The following GUCY2D variants were observed in gnomAD, a reference collection of about 807,000 sequenced individuals.
The protein encoded by GUCY2D is retinal guanylyl cyclase 1.
In GUCY2D, 70 loss-of-function variants were observed where a neutral mutation model predicts 101.3. That is an observed-to-expected ratio of 0.69 (90% CI 0.57 to 0.84). The LOEUF is 0.84. Ranked by LOEUF, GUCY2D falls within the 40% of genes least tolerant of loss-of-function variation. GUCY2D has a pLI of 0.00. For missense variants in GUCY2D, 1,460 were observed against 1,542.5 expected (o/e 0.95, Z 0.90); for synonymous variants, 688 against 670.7 (o/e 1.03, Z -0.40).
At chr17:8,008,055 A>G in intron 7 of GUCY2D, 23 bp downstream of exon 7, 1 of 1,440,978 alleles carries the variant, frequency 6.9e-7, no homozygotes, top group East Asian at 2.3e-5. Context: ...CCAGCCAGAC[A>G]GAGAGACAGT....
Position 8,012,131 on chromosome 17 carries a change from C to A in GUCY2D, c.1750-13C>A. 2 of 1,603,430 alleles carry A rather than the reference C, an allele frequency of 1.2e-6. No homozygotes were observed. The highest frequency in any genetic ancestry group is 1.7e-6 in the Non-Finnish European group (2 of 1,171,150). On this transcript the variant is annotated splice_polypyrimidine_tract_variant and intron_variant, in intron 8 of 19. Transcript: ENST00000254854. ...CCTGGGCAGAAAATGCAAGTCAACT[C>A]TCCCCCTCTCAGCTCCAGGAGCTCC...
chr17:8,003,926 C>A lies in GUCY2D; in HGVS notation c.796C>A (p.Leu266Met). The stretch of plus-strand genomic sequence containing the variant: ...CTACCTCCTGGAGGCCGCAGAGGAG[C>A]TGGGCCTGACCGATGGCTCCCTGGT... ...QRYLLEAAEE[L>M]GLTDGSLVFL... Residue 266 changes from leucine (L) to methionine (M), a missense_variant, in exon 3 of 20, where the codon CTG (leucine) becomes ATG (methionine). Leu to Met is a conservative substitution (Grantham distance 15, BLOSUM62 2). Around this residue, in one of 3 missense-constraint regions of GUCY2D, gnomAD observed 1,196 missense variants for 1,229.6 expected, o/e 0.97. Coordinates refer to ENST00000254854, the MANE Select transcript of GUCY2D (RefSeq NM_000180.4). The A allele has an allele frequency of 6.2e-7, 1 of 1,613,578 alleles. No homozygotes were observed. The highest frequency in any genetic ancestry group is 8.5e-7 in the Non-Finnish European group (1 of 1,179,782).
chr17:8,014,151 A>T lies in GUCY2D; in HGVS notation c.2412+123A>T. 2.2e-6 allele frequency: 2 copies of T among 896,076 alleles called. No individual in the cohort carries two copies. The highest frequency in any genetic ancestry group is 3.7e-6 in the Non-Finnish European group (2 of 546,766). The allele number at this position is 896,076 out of a possible 1,614,324, so 55.5% of individuals were successfully genotyped here. On this transcript the variant is annotated intron_variant, in intron 12 of 19. Coordinates refer to ENST00000254854, the MANE Select transcript of GUCY2D (RefSeq NM_000180.4). This position sits in a 1 kb window ranked among gnomAD's most constrained non-coding sequence, Gnocchi z 4.0. ...CCTCTGGCCTTCCAGGCTACCTCCT[A>T]AGGAGTAGCCTGAAGACTCGGAGTT...
At chr17:8,005,615 CCTT>C (rs1975722166) in intron 3 of GUCY2D, among the ~76,000 whole-genome samples, 1 of 152,210 alleles carries the variant, frequency 6.6e-6, no homozygotes. Flanking sequence ...TCTAACAGCT[CCTT>C]CTCTGTCCAC....
At chr17:8,005,533 G>C (rs540262740) in intron 3 of GUCY2D, among the ~76,000 whole-genome samples, 9 of 152,356 alleles carry the variant, frequency 5.9e-5, no homozygotes, top group African/African-American at 2.2e-4. Flanking sequence ...GAGCTTCTGA[G>C]TGTGCTGTTT....
rs140638938 is a variant in GUCY2D at position 8,006,651 on chromosome 17, G to C, written c.1315G>C (p.Gly439Arg). 2.7e-5 allele frequency: 44 copies of C among 1,612,594 alleles called. No homozygotes were observed. The highest frequency in any genetic ancestry group is 3.5e-5 in the Non-Finnish European group (41 of 1,179,492). Reference protein sequence around the residue: ...SAGTRMHFPRGGSAPGPDPSC... With the variant: ...SAGTRMHFPRRGSAPGPDPSC... The stretch of plus-strand genomic sequence containing the variant: ...CGGTACCCGGATGCACTTCCCGCGT[G>C]GGGGATCAGCACCCGGACCTGACCC... The change falls in exon 4 of 20, where the codon GGG becomes CGG. Residue 439 changes from glycine to arginine, a missense_variant. Physicochemically the swap from Gly to Arg is moderately radical, Grantham distance 125. This residue lies in a region of GUCY2D where 1,196 missense variants were observed against 1,229.6 expected (regional missense o/e 0.97). Transcript: ENST00000254854.
rs979318508 is a variant in GUCY2D, at chr17:8,003,287, C to A, written c.240C>A (p.Ala80=). The change falls in exon 2 of 20, where the codon GCC becomes GCA. Residue 80 remains alanine (A), a synonymous_variant. Coordinates refer to ENST00000254854, the MANE Select transcript of GUCY2D (RefSeq NM_000180.4). ...GCCCGGACCTGGCCGCCCGCCTGGC[C>A]GCCGCCCGCCTGAACCGCGACCCCG... ...RARPDLAARL[A]AARLNRDPGL... The A allele has an allele frequency of 2.0e-5, 30 of 1,491,776 alleles. No individual in the cohort carries two copies. The highest frequency in any genetic ancestry group is 2.2e-5 in the Admixed American group (1 of 44,660). The allele number at this position is 1,491,776 out of a possible 1,614,324, so 92.4% of individuals were successfully genotyped here. A position where few individuals can be genotyped will look rare whatever the true frequency, so the allele number is the denominator to read the frequency against.
chr17:8,016,367 C>A, intron 18 of GUCY2D, 76 bp from the exon 19 acceptor site: 2 of 1,432,704 alleles, frequency 1.4e-6, no homozygotes, highest in East Asian at 2.5e-5. Context: ...CCCCCGCGCG[C>A]GAGGCAGCGA....
chr17:8,015,856 G>A lies in GUCY2D; in HGVS notation c.3043+15G>A, dbSNP rs746068022. 7 of 1,608,308 alleles carry A rather than the reference G, an allele frequency of 4.4e-6. No homozygotes were observed. The South Asian group carries it at 6.6e-5, about 15-fold the overall frequency. ...CACCGGGCTGCGTGAGTGTGACGGG[G>A]ACAAGACGGGGAGGTGGGAGGGGGA... On this transcript the variant is annotated intron_variant, in intron 16 of 19. Coordinates refer to ENST00000254854, the MANE Select transcript of GUCY2D (RefSeq NM_000180.4).
chr17:8,007,428 A>T lies in GUCY2D; in HGVS notation c.1466A>T (p.His489Leu). 6.2e-7 allele frequency: 1 copy of T among 1,607,096 alleles called. No individual in the cohort carries two copies. Among genetic ancestry groups the T allele is most frequent in the Non-Finnish European group, 8.5e-7 (1 of 1,173,760 alleles). Residue 489 changes from histidine (H) to leucine (L), a missense_variant and splice_region_variant, in exon 6 of 20, where the codon CAC (histidine) becomes CTC (leucine). By Grantham distance (99) the His-to-Leu change is moderately conservative (BLOSUM62 -3). Around this residue, in one of 3 missense-constraint regions of GUCY2D, gnomAD observed 1,196 missense variants for 1,229.6 expected, o/e 0.97. Coordinates refer to ENST00000254854, the MANE Select transcript of GUCY2D (RefSeq NM_000180.4). ...GAGGTGACCTCTTTCTCCACCAGGCACCGGCTACTTCACATGCAAATGGTC... is the reference window on the plus strand; with the variant it reads ...GAGGTGACCTCTTTCTCCACCAGGCTCCGGCTACTTCACATGCAAATGGTC... ...AGAFLAHYVR[H>L]RLLHMQMVSG...
chr17:8,014,322 T>C lies in GUCY2D; in HGVS notation c.2413-279T>C, dbSNP rs1975917984. The C allele has an allele frequency of 1.7e-6, 1 of 600,310 alleles. No individual in the cohort carries two copies. The highest frequency in any genetic ancestry group is 1.9e-5 in the African/African-American group (1 of 53,996). The allele number at this position is 600,310 out of a possible 1,614,324, so 37.2% of individuals were successfully genotyped here. A position where few individuals can be genotyped will look rare whatever the true frequency, so the allele number is the denominator to read the frequency against. Reference sequence around the variant, plus strand: ...TGGCCTGCTGTGACAGAAAGACCCTTGGCCTGGGAGCCCAACGATTGGGCT... The same window carrying C: ...TGGCCTGCTGTGACAGAAAGACCCTCGGCCTGGGAGCCCAACGATTGGGCT... On this transcript the variant is annotated intron_variant, in intron 12 of 19. Coordinates refer to ENST00000254854, the MANE Select transcript of GUCY2D (RefSeq NM_000180.4). This position sits in a 1 kb window ranked among gnomAD's most constrained non-coding sequence, Gnocchi z 4.0.
intron 14 of GUCY2D, 85 bp downstream of exon 14, chr17:8,015,136 C>T (rs1975939486): frequency 8.2e-7 from 1 of 1,212,544 alleles, no homozygotes; most frequent in Admixed American, 1.9e-5. Context: ...CAGCCCCTAG[C>T]CTACCTGCCC....
rs772242251 is a variant in GUCY2D at position 8,013,901 on chromosome 17, GC to G, written c.2291del (p.Pro764LeufsTer20). 8 of 1,613,456 alleles carry G rather than the reference GC, an allele frequency of 5.0e-6. No homozygotes were observed. Among genetic ancestry groups the G allele is most frequent in the Non-Finnish European group, 5.9e-6 (7 of 1,179,428 alleles). The stretch of plus-strand genomic sequence containing the variant: ...CCAGAAGTGGTGCAGAGGGTGCGGA[GC>G]CCCCCTCCACTGTGTCGGCCCTTGG... ...TPEEVVQRVRSPPPLCRPLVS... is the reference protein window; with the variant it reads ...TPEEVVQRVRXPPPLCRPLVS... On this transcript the variant is annotated frameshift_variant, in exon 12 of 20. Coordinates refer to ENST00000254854, the MANE Select transcript of GUCY2D (RefSeq NM_000180.4). LOFTEE classifies it high-confidence loss of function. The surrounding 1 kb of genome is among the most constrained non-coding windows in gnomAD (Gnocchi z 5.0).
chr17:8,008,708 C>T (rs1347065238), intron 7 of GUCY2D, among the ~76,000 whole-genome samples: 2 of 152,148 alleles, frequency 1.3e-5, no homozygotes, highest in Non-Finnish European at 2.9e-5. Context: ...GCAGATTGTC[C>T]TAAATTGTAT....
chr17:8,004,163 G>T lies in GUCY2D; in HGVS notation c.1026+7G>T. 1 of 1,582,124 alleles carries T rather than the reference G, an allele frequency of 6.3e-7. No individual in the cohort carries two copies. The highest frequency in any genetic ancestry group is 8.6e-7 in the Non-Finnish European group (1 of 1,168,386). On this transcript the variant is annotated splice_region_variant and intron_variant, in intron 3 of 19. Transcript: ENST00000254854. ...TGACCTCAATCTGCAGCAGGTAGAC[G>T]GTCCCGGGAGGAGGGAAGAAGGCAA...
intron 17 of GUCY2D, 25 bp downstream of exon 17, chr17:8,016,046 C>G: frequency 6.4e-7 from 1 of 1,567,020 alleles, no homozygotes; most frequent in Middle Eastern, 1.7e-4. Flanking sequence ...CAACCCCTCC[C>G]GGAGGCCCCG....
At chr17:8,003,017 C>CCTGCTCCGT in intron 1 of GUCY2D, 22 bp from the exon 2 acceptor site, 1 of 1,520,902 alleles carries the variant, frequency 6.6e-7, no homozygotes, top group South Asian at 1.2e-5. Flanking sequence ...AGTCGCTCAG[C>CCTGCTCCGT]CTGCTCCGTC....
intron 4 of GUCY2D, 147 bp downstream of exon 4, chr17:8,006,861 CT>C (rs1414766741): frequency 3.4e-6 from 3 of 875,334 alleles, no homozygotes; most frequent in Non-Finnish European, 5.6e-6. Context: ...GGACCCCTCT[CT>C]TGCTGAGCTC....
At position 8,012,355 on chromosome 17, in the gene GUCY2D, G is replaced by GT. The variant is rs1975869211; in HGVS notation, c.1956+6dup. On this transcript the variant is annotated splice_donor_region_variant and intron_variant, in intron 9 of 19. Transcript: ENST00000254854. ...CTCCTGCTGGACCTTATCAAGGTGT[G>GT]TGTCTGGGGGTGGTGGGGTGACGTC... 6.2e-7 allele frequency: 1 copy of GT among 1,611,968 alleles called. No homozygotes were observed. The highest frequency in any genetic ancestry group is 8.5e-7 in the Non-Finnish European group (1 of 1,178,790).
Sources: gnomAD v4.1 joint callset for allele counts (sites outside exome capture counted in the v4.1 genomes callset) on GRCh38, gnomAD v4.1.1 for gene constraint, gnomAD v4.1.1 regional missense constraint, Gnocchi (gnomAD v3.1) non-coding constraint, MANE v1.5 for transcripts, NCBI Gene and HGNC (gene_info 2026-07-23, HGNC 2026-07-21) for gene names.